The following LRBA variants were observed in gnomAD, a reference collection of about 807,000 sequenced individuals.
The protein encoded by LRBA is LPS responsive beige-like anchor protein.
LRBA carries 176 observed loss-of-function variants against 330.0 expected under a neutral mutation model. That is an observed-to-expected ratio of 0.53 (90% CI 0.47 to 0.60). The LOEUF is 0.60. LRBA is among the 20% of genes least tolerant of loss of function. The pLI is 0.00. For synonymous variants in LRBA, 1,230 were observed against 1,193.0 expected, an observed-to-expected ratio of 1.03 and a Z score of -0.64; for missense variants, 3,259 against 3,444.8, an observed-to-expected ratio of 0.95 and a Z score of 1.35.
chr4:150,558,081 T>C (rs1767564893), intron 40 of LRBA, among the ~76,000 whole-genome samples: 5 of 152,090 alleles, frequency 3.3e-5, no homozygotes, highest in Admixed American at 2.6e-4. Context: ...TTATTTTTAG[T>C]AGAGATGGGT....
chr4:150,668,602 G>A (rs1179475014), intron 37 of LRBA, among the ~76,000 whole-genome samples: 1 of 152,176 alleles, frequency 6.6e-6, no homozygotes, highest in Non-Finnish European at 1.5e-5. Context: ...CTTGGAACCT[G>A]TAATTCTTTC....
chr4:150,639,769 A>G (rs1428714881), intron 37 of LRBA, among the ~76,000 whole-genome samples: 15 of 6,846 alleles, frequency 2.2e-3, no homozygotes, highest in African/African-American at 5.8e-3. Context: ...ATATATATAT[A>G]TATATATATA....
intron 56 of LRBA, among the ~76,000 whole-genome samples, chr4:150,267,695 A>ATGAT (rs1314465301): frequency 1.6e-4 from 25 of 152,192 alleles, no homozygotes; most frequent in Admixed American, 2.6e-4. Flanking sequence ...AAATAGTAAA[A>ATGAT]TGATTGATAG....
intron 40 of LRBA, among the ~76,000 whole-genome samples, chr4:150,512,565 G>T (rs1761937945): frequency 6.6e-6 from 1 of 152,038 alleles, no homozygotes; most frequent in South Asian, 2.1e-4. Context: ...GGAGTCAGCA[G>T]TCTAGGGCTC....
intron 47 of LRBA, among the ~76,000 whole-genome samples, chr4:150,357,819 C>A (rs1044039474): frequency 6.6e-6 from 1 of 151,832 alleles, no homozygotes; most frequent in African/African-American, 2.4e-5. Context: ...TGAGGCAATG[C>A]AAAATTTAAA....
intron 53 of LRBA, among the ~76,000 whole-genome samples, chr4:150,293,685 G>C (rs1728613494): frequency 6.6e-6 from 1 of 152,116 alleles, no homozygotes; most frequent in Non-Finnish European, 1.5e-5. Flanking sequence ...ATAAATGTTG[G>C]TAACACGGGA....
At chr4:150,906,259 A>T in intron 12 of LRBA, 38 bp downstream of exon 12, 1 of 1,315,896 alleles carries the variant, frequency 7.6e-7, no homozygotes, top group Non-Finnish European at 1.1e-6. Context: ...ATGGCCTGTA[A>T]ATTAAGAATC....
intron 40 of LRBA, among the ~76,000 whole-genome samples, chr4:150,541,835 C>T (rs1356578401): frequency 6.6e-6 from 1 of 152,062 alleles, no homozygotes; most frequent in African/African-American, 2.4e-5. Flanking sequence ...CACACTATCA[C>T]ACCTGGCTAA....
intron 2 of LRBA, among the ~76,000 whole-genome samples, chr4:151,009,029 A>ATATATATATG (rs1491079578): frequency 2.1e-4 from 1 of 4,752 alleles, no homozygotes; most frequent in Non-Finnish European, 1.6e-3. Context: ...ATATATATAA[A>ATATATATATG]ATGGTATTTT....
intron 36 of LRBA, among the ~76,000 whole-genome samples, chr4:150,716,537 A>T (rs1728225536): frequency 6.6e-6 from 1 of 152,232 alleles, no homozygotes; most frequent in Non-Finnish European, 1.5e-5. Flanking sequence ...TAAACAATAA[A>T]TGACTTTCAC....
intron 52 of LRBA, 84 bp downstream of exon 52, chr4:150,310,141 TGGAA>T (rs1730867480): frequency 1.1e-6 from 1 of 878,290 alleles, no homozygotes; most frequent in South Asian, 1.8e-5. Flanking sequence ...TTGTAATTTT[TGGAA>T]GGAAGCAGAT....
chr4:150,670,764 C>T (rs1009108596), intron 37 of LRBA, among the ~76,000 whole-genome samples: 1 of 152,090 alleles, frequency 6.6e-6, no homozygotes, highest in African/African-American at 2.4e-5. Flanking sequence ...TATTTCATTC[C>T]AATCAATCAC....
rs1039058372 is a variant in LRBA at position 150,571,664 on chromosome 4, T to G, written c.6330+16384A>C. 3.4e-5 allele frequency among the ~76,000 whole-genome samples: 5 copies of G among 147,352 alleles called. No homozygotes were observed. In the South Asian group the frequency reaches 6.5e-4, roughly 19 times the overall value. On this transcript the variant is annotated intron_variant, in intron 40 of 56. Coordinates refer to ENST00000651943, the MANE Select transcript of LRBA (RefSeq NM_001364905.1). ...CTGGTTAGTTGTTTTTTTTTTTTTT[T>G]TTTTTTTTTTGAGAAATTTTCAGTT... is the stretch of plus-strand genomic sequence containing the variant.
At chr4:150,489,315 T>TATATAAAATATATTACATATAAGA (rs1561250761) in intron 41 of LRBA, among the ~76,000 whole-genome samples, 1 of 61,034 alleles carries the variant, frequency 1.6e-5, no homozygotes, top group African/African-American at 6.8e-5. Flanking sequence ...TATATAAGAA[T>TATATAAAATATATTACATATAAGA]ATATAAAATA....
intron 34 of LRBA, among the ~76,000 whole-genome samples, chr4:150,779,761 T>C (rs1232792783): frequency 6.6e-6 from 1 of 152,174 alleles, no homozygotes; most frequent in Non-Finnish European, 1.5e-5. Flanking sequence ...TCCACATATA[T>C]GTTGGTTTCT....
At chr4:150,885,795 G>A (rs1728885593) in intron 17 of LRBA, among the ~76,000 whole-genome samples, 1 of 152,148 alleles carries the variant, frequency 6.6e-6, no homozygotes, top group Admixed American at 6.5e-5. Context: ...AGGTCAGGGA[G>A]ATGACAGTCA....
At chr4:150,861,773 T>A (rs976384065) in intron 22 of LRBA, among the ~76,000 whole-genome samples, 10 of 152,216 alleles carry the variant, frequency 6.6e-5, no homozygotes, top group Non-Finnish European at 1.5e-4. Flanking sequence ...TTTTTGACTC[T>A]TTTGAAATCA....
At chr4:150,808,728 T>C (rs573119951) in intron 31 of LRBA, among the ~76,000 whole-genome samples, 1 of 152,374 alleles carries the variant, frequency 6.6e-6, no homozygotes, top group East Asian at 1.9e-4. Context: ...AAAAGCATTT[T>C]CTTAACATAG....
chr4:150,484,880 C>T (rs148510742), intron 42 of LRBA, among the ~76,000 whole-genome samples: 1 of 151,818 alleles, frequency 6.6e-6, no homozygotes, highest in African/African-American at 2.4e-5. Context: ...TTTCTAATAT[C>T]TCTTCTAATT....
Sources: allele counts gnomAD v4.1 joint callset (sites outside exome capture counted in the v4.1 genomes callset), GRCh38; gene constraint gnomAD v4.1.1; transcripts MANE v1.5; gene names NCBI Gene and HGNC (gene_info 2026-07-23, HGNC 2026-07-21).